PPFIBP1: variants seen among roughly 807,000 people sequenced by gnomAD.
PPFIBP1 encodes the protein liprin-beta-1.
In PPFIBP1, 112 loss-of-function variants were observed where a neutral mutation model predicts 137.8. The ratio of observed to expected loss-of-function variants is 0.81; its 90% confidence interval spans 0.70 to 0.95. PPFIBP1 has a LOEUF of 0.95. PPFIBP1 is among the 40% of genes least tolerant of loss of function. The probability of loss-of-function intolerance (pLI) is 0.00; values close to 1 mark genes in which losing one functional copy is unlikely to be tolerated. For missense variants in PPFIBP1, 1,083 were observed against 1,196.6 expected (o/e 0.91, Z 1.40); for synonymous variants, 378 against 417.3 (o/e 0.91, Z 1.15).
chr12:27,594,305 A>G (rs191018622), intron 2 of PPFIBP1, among the ~76,000 whole-genome samples: 1,572 of 150,798 alleles, frequency 0.01, 15 homozygotes, highest in Middle Eastern at 0.031. Context: ...AGCCTCCCAA[A>G]TAGCTGGGAT....
chr12:27,602,629 A>T (rs2054119004), intron 2 of PPFIBP1, among the ~76,000 whole-genome samples: 1 of 152,216 alleles, frequency 6.6e-6, no homozygotes, highest in Non-Finnish European at 1.5e-5. Context: ...GAACACTGAA[A>T]AATCATTTGC....
intron 7 of PPFIBP1, among the ~76,000 whole-genome samples, chr12:27,651,403 C>T (rs961541599): frequency 2.0e-5 from 3 of 152,078 alleles, no homozygotes; most frequent in Non-Finnish European, 4.4e-5. Flanking sequence ...TCACCATGCC[C>T]AGCCATGTTT....
At chr12:27,647,394 C>T (rs11049080) in intron 5 of PPFIBP1, among the ~76,000 whole-genome samples, 11,595 of 152,172 alleles carry the variant, frequency 0.076, 613 homozygotes, top group East Asian at 0.17. Flanking sequence ...AACTTTGTTT[C>T]CTCTCTTATA....
chr12:27,616,959 A>AAGT (rs1202763679), intron 2 of PPFIBP1, among the ~76,000 whole-genome samples: 2 of 152,238 alleles, frequency 1.3e-5, no homozygotes, highest in Non-Finnish European at 2.9e-5. Context: ...GAGTAACATT[A>AAGT]AGTGCCCAGT....
intron 1 of PPFIBP1, among the ~76,000 whole-genome samples, chr12:27,562,076 T>G (rs937655450): frequency 1.1e-4 from 17 of 152,186 alleles, no homozygotes; most frequent in African/African-American, 4.1e-4. Flanking sequence ...CAAAATGAAC[T>G]AGCGACCCTC....
intron 1 of PPFIBP1, among the ~76,000 whole-genome samples, chr12:27,530,761 G>C (rs534787268): frequency 6.6e-6 from 1 of 152,198 alleles, no homozygotes; most frequent in Non-Finnish European, 1.5e-5. Flanking sequence ...TGGATGCCCC[G>C]TTCCCCAAAG....
chr12:27,526,241 A>C (rs1279239552), intron 1 of PPFIBP1, among the ~76,000 whole-genome samples: 1 of 152,230 alleles, frequency 6.6e-6, no homozygotes, highest in Non-Finnish European at 1.5e-5. Context: ...GAGTATCTTT[A>C]GGATGTTATC....
rs182024117 is a variant in PPFIBP1 at position 27,683,739 on chromosome 12, G to A, written c.2247+1036G>A. On this transcript the variant is annotated intron_variant, in intron 24 of 29. Transcript: ENST00000228425. ...TTTTAGGTTCCATACCACTATTAATGTTCTACTTAAAATTCTCTTTATTTA... is the reference window on the plus strand; with the variant it reads ...TTTTAGGTTCCATACCACTATTAATATTCTACTTAAAATTCTCTTTATTTA... Among the ~76,000 whole-genome samples, 36 of 151,976 alleles carry A rather than the reference G, an allele frequency of 2.4e-4. No individual in the cohort carries two copies. In the East Asian group the frequency reaches 5.0e-3, roughly 21 times the overall value.
chr12:27,553,385 T>A (rs1446600382), intron 1 of PPFIBP1, among the ~76,000 whole-genome samples: 1 of 152,090 alleles, frequency 6.6e-6, no homozygotes, highest in Non-Finnish European at 1.5e-5. Context: ...GCCCTTTCTG[T>A]CTTACCGATA....
chr12:27,588,735 T>A (rs2052094616), intron 2 of PPFIBP1, among the ~76,000 whole-genome samples: 1 of 152,230 alleles, frequency 6.6e-6, no homozygotes, highest in Admixed American at 6.5e-5. Flanking sequence ...GAATTTTCTT[T>A]CAGTGCCACA....
At chr12:27,544,003 T>C (rs1945957329) in intron 1 of PPFIBP1, among the ~76,000 whole-genome samples, 1 of 150,874 alleles carries the variant, frequency 6.6e-6, no homozygotes, top group Non-Finnish European at 1.5e-5. Flanking sequence ...CCTAAGCCTC[T>C]CAAGTAGCTG....
At chr12:27,588,407 T>C (rs1011381509) in intron 2 of PPFIBP1, among the ~76,000 whole-genome samples, 3 of 152,232 alleles carry the variant, frequency 2.0e-5, no homozygotes, top group Non-Finnish European at 2.9e-5. Flanking sequence ...ATCTCTAAAG[T>C]CATTTTACTG....
chr12:27,597,966 C>T (rs575646862), intron 2 of PPFIBP1, among the ~76,000 whole-genome samples: 17 of 152,096 alleles, frequency 1.1e-4, no homozygotes, highest in South Asian at 1.0e-3. Context: ...CCACCACACC[C>T]GGCTAATTTT....
intron 10 of PPFIBP1, 144 bp downstream of exon 10, chr12:27,658,992 C>A: frequency 1.3e-6 from 1 of 759,996 alleles, no homozygotes; most frequent in Non-Finnish European, 2.2e-6. Flanking sequence ...TCAGAGTGTA[C>A]ACAATAGAGG....
intron 13 of PPFIBP1, 62 bp from the exon 14 acceptor site, chr12:27,671,369 A>G: frequency 1.1e-6 from 1 of 919,322 alleles, no homozygotes. Flanking sequence ...GTTTATTTAA[A>G]TTACTCTGTG....
intron 19 of PPFIBP1, 152 bp downstream of exon 19, chr12:27,677,248 A>G: frequency 4.4e-6 from 4 of 906,614 alleles, no homozygotes; most frequent in Non-Finnish European, 5.1e-6. Context: ...CCTTCTGCTA[A>G]AAAGGACTCT....
intron 27 of PPFIBP1, 38 bp downstream of exon 27, chr12:27,689,241 G>A (rs893276858): frequency 1.3e-6 from 2 of 1,495,380 alleles, no homozygotes; most frequent in African/African-American, 1.4e-5. Flanking sequence ...ATTGCTTGGC[G>A]CAAAGGCAAC....
chr12:27,565,356 C>G (rs911845149), intron 1 of PPFIBP1, among the ~76,000 whole-genome samples: 6 of 152,176 alleles, frequency 3.9e-5, no homozygotes, highest in African/African-American at 1.4e-4. Flanking sequence ...AATCAAATAT[C>G]TGGTTTTCTA....
At chr12:27,680,145 G>C in intron 21 of PPFIBP1, 84 bp downstream of exon 21, 1 of 1,526,852 alleles carries the variant, frequency 6.5e-7, no homozygotes, top group Non-Finnish European at 8.9e-7. Context: ...ACTGTCATTG[G>C]GTTAAACAAA....
Sources: gnomAD v4.1 joint callset for allele counts (sites outside exome capture counted in the v4.1 genomes callset) on GRCh38, gnomAD v4.1.1 for gene constraint, MANE v1.5 for transcripts, NCBI Gene and HGNC (gene_info 2026-07-23, HGNC 2026-07-21) for gene names.